The following OPRM1 variants were observed in gnomAD, a reference collection of about 807,000 sequenced individuals.
OPRM1 encodes the protein mu-type opioid receptor.
Under a neutral mutation model 31.8 loss-of-function variants are expected in OPRM1, and 27 were observed. The ratio of observed to expected loss-of-function variants is 0.85; its 90% CI spans 0.63 to 1.17. OPRM1 has a LOEUF of 1.17. Ranked by LOEUF, OPRM1 falls within the 50% of genes most tolerant of loss-of-function variation. The probability of loss-of-function intolerance (pLI) is 0.00; values close to 1 mark genes in which losing one functional copy is unlikely to be tolerated. For synonymous variants in OPRM1, 196 were observed against 189.9 expected (o/e 1.03, Z -0.26); for missense variants, 536 against 511.1 (o/e 1.05, Z -0.47).
intron 3 of OPRM1, chr6:154,155,489 G>A (rs1455212970): frequency 6.6e-6 from 1 of 152,156 alleles, no homozygotes; most frequent in Non-Finnish European, 1.5e-5. Flanking sequence ...AATCATGTAT[G>A]TGGCTATATC....
intron 1 of OPRM1, among the ~76,000 whole-genome samples, chr6:154,040,749 A>G (rs1779891407): frequency 6.6e-6 from 1 of 152,174 alleles, no homozygotes; most frequent in Non-Finnish European, 1.5e-5. Context: ...TTATCAAGTA[A>G]AATTAATTCA....
At chr6:154,154,025 C>T (rs943793102) in intron 3 of OPRM1, among the ~76,000 whole-genome samples, 1 of 152,162 alleles carries the variant, frequency 6.6e-6, no homozygotes, top group African/African-American at 2.4e-5. Flanking sequence ...TTTCCTGCTT[C>T]CATGTAGGAG....
chr6:154,166,761 G>C (rs1324125732), intron 3 of OPRM1, among the ~76,000 whole-genome samples: 7 of 152,118 alleles, frequency 4.6e-5, no homozygotes, highest in African/African-American at 1.7e-4. Context: ...ACTCATATCA[G>C]CTATCACAGA....
At chr6:154,102,222 C>T (rs2128505132) in intron 3 of OPRM1, among the ~76,000 whole-genome samples, 1 of 152,232 alleles carries the variant, frequency 6.6e-6, no homozygotes, top group East Asian at 1.9e-4. Context: ...AGCCAAAATC[C>T]TAAAAATGTA....
At chr6:154,066,488 G>T (rs534852584) in intron 1 of OPRM1, among the ~76,000 whole-genome samples, 1 of 151,972 alleles carries the variant, frequency 6.6e-6, no homozygotes, top group South Asian at 2.1e-4. Context: ...GTCTTGAGAG[G>T]TGTTATGAAT....
intron 3 of OPRM1, among the ~76,000 whole-genome samples, chr6:154,245,110 C>G (rs1042312563): frequency 6.6e-6 from 1 of 152,072 alleles, no homozygotes; most frequent in Admixed American, 6.6e-5. Context: ...AGACCACAGA[C>G]CCAGGTTGCC....
upstream of OPRM1, chr6:154,039,116 ACT>A (rs1779509129): frequency 2.0e-6 from 3 of 1,520,060 alleles, no homozygotes; most frequent in Non-Finnish European, 2.7e-6. Flanking sequence ...CCAAAGACTA[ACT>A]CTATCTCTCT....
intron 1 of OPRM1, chr6:154,046,894 C>T (rs900701153): frequency 1.3e-5 from 2 of 152,178 alleles, no homozygotes; most frequent in African/African-American, 4.8e-5. Context: ...CTATTAAGAG[C>T]ATGTTTTTCC....
intron 3 of OPRM1, among the ~76,000 whole-genome samples, chr6:154,171,388 T>C (rs983544851): frequency 1.3e-5 from 2 of 152,296 alleles, no homozygotes; most frequent in African/African-American, 4.8e-5. Flanking sequence ...TATTGCGTGA[T>C]TCCATTTATA....
intron 3 of OPRM1, among the ~76,000 whole-genome samples, chr6:154,231,073 A>C (rs9371781): frequency 0.34 from 51,628 of 152,008 alleles, 9,267 homozygotes; most frequent in Admixed American, 0.48. Context: ...CCCCCAGGGC[A>C]CTGGAAACAG....
chr6:154,175,362 T>TA (rs1005812138), intron 3 of OPRM1, among the ~76,000 whole-genome samples: 5 of 144,474 alleles, frequency 3.5e-5, no homozygotes, highest in South Asian at 2.2e-4. Flanking sequence ...AAAAACCCTT[T>TA]AAAAAAATCA....
downstream of OPRM1, among the ~76,000 whole-genome samples, chr6:154,136,719 A>C (rs1295604387): frequency 3.3e-5 from 5 of 152,138 alleles, no homozygotes; most frequent in African/African-American, 7.2e-5. Context: ...ATACATGGGG[A>C]GAGTGGTGAA....
intron 1 of OPRM1, among the ~76,000 whole-genome samples, chr6:154,030,645 T>C (rs953692747): frequency 6.6e-6 from 1 of 152,102 alleles, no homozygotes; most frequent in African/African-American, 2.4e-5. Flanking sequence ...CCCTATAAGA[T>C]TTGGAAAGTA....
At chr6:154,183,278 C>T (rs1398882323) in intron 3 of OPRM1, among the ~76,000 whole-genome samples, 2 of 152,202 alleles carry the variant, frequency 1.3e-5, no homozygotes, top group Admixed American at 1.3e-4. Context: ...CACACCCAGC[C>T]ACCTTTATCT....
At chr6:154,055,828 C>T (rs1783161767) in intron 1 of OPRM1, among the ~76,000 whole-genome samples, 3 of 152,118 alleles carry the variant, frequency 2.0e-5, no homozygotes, top group South Asian at 2.1e-4. Flanking sequence ...CAGTGATGTT[C>T]GAACAAAACA....
Position 154,121,188 on chromosome 6 carries a change from C to T in OPRM1, c.*2467C>T, listed in dbSNP as rs1391335377. Among the ~76,000 whole-genome samples the T allele has an allele frequency of 6.6e-6, 1 of 152,148 alleles. No homozygotes were observed. Among genetic ancestry groups the T allele is most frequent in the Non-Finnish European group, 1.5e-5 (1 of 68,006 alleles). On this transcript the variant is annotated 3_prime_UTR_variant, in exon 4 of 4. Transcript: ENST00000330432. ...ATGAGATTTCTTCCCAGGTTGGTAT[C>T]CCAGAAATGCAGACTGTAGCTATGG...
Position 154,122,178 on chromosome 6 carries a change from A to G in OPRM1, c.*3457A>G, listed in dbSNP as rs1797343614. 6.6e-6 allele frequency among the ~76,000 whole-genome samples: 1 copy of G among 152,214 alleles called. No individual in the cohort carries two copies. The highest frequency in any genetic ancestry group is 1.9e-4 in the East Asian group (1 of 5,202). On this transcript the variant is annotated 3_prime_UTR_variant, in exon 4 of 4. Coordinates refer to ENST00000330432, the MANE Select transcript of OPRM1 (RefSeq NM_000914.5). Reference sequence around the variant, plus strand: ...ACACACACACAAGTTGTGTTTGTACAATTCTTGAGGTCAATCAGAACCAAA... The same window carrying G: ...ACACACACACAAGTTGTGTTTGTACGATTCTTGAGGTCAATCAGAACCAAA...
chr6:154,212,358 C>A (rs576128686), intron 3 of OPRM1, among the ~76,000 whole-genome samples: 2 of 152,310 alleles, frequency 1.3e-5, no homozygotes, highest in Non-Finnish European at 2.9e-5. Flanking sequence ...TCTGGCTCTC[C>A]TTTTTTCTTT....
chr6:154,058,844 T>A (rs1455209254), intron 1 of OPRM1, among the ~76,000 whole-genome samples: 1 of 152,116 alleles, frequency 6.6e-6, no homozygotes, highest in Non-Finnish European at 1.5e-5. Flanking sequence ...CACCAACCAT[T>A]AAGGAAAGTA....
Sources: gnomAD v4.1 joint callset for allele counts (sites outside exome capture counted in the v4.1 genomes callset) on GRCh38, gnomAD v4.1.1 for gene constraint, MANE v1.5 for transcripts, NCBI Gene and HGNC (gene_info 2026-07-23, HGNC 2026-07-21) for gene names.